DRC11: variants seen among roughly 807,000 people sequenced by gnomAD.
DRC11 encodes the protein IQ and AAA domain-containing protein 1.
the DRC11 span, among the ~76,000 whole-genome samples, chr2:236,386,955 C>T: frequency 1.4e-5 from 2 of 146,740 alleles, no homozygotes; most frequent in African/African-American, 5.0e-5. Flanking sequence ...TGTTCAGTTT[C>T]CATGTAGTTG....
At chr2:236,347,628 T>G in the DRC11 span, among the ~76,000 whole-genome samples, 2 of 151,504 alleles carry the variant, frequency 1.3e-5, no homozygotes, top group Non-Finnish European at 2.9e-5. Context: ...AACTCAGGAA[T>G]GGAAAACCAA....
the DRC11 span, among the ~76,000 whole-genome samples, chr2:236,403,294 C>G: frequency 6.6e-6 from 1 of 151,824 alleles, no homozygotes; most frequent in African/African-American, 2.4e-5. Context: ...GGCAGACAGA[C>G]ATGAGGCTGG....
the DRC11 span, among the ~76,000 whole-genome samples, chr2:236,314,004 G>C: frequency 6.6e-6 from 1 of 152,136 alleles, no homozygotes; most frequent in African/African-American, 2.4e-5. This position sits in a 1 kb window ranked among gnomAD's most constrained non-coding sequence, Gnocchi z 4.5. Context: ...TGTGCTCATG[G>C]ATACACAAAC....
the DRC11 span, among the ~76,000 whole-genome samples, chr2:236,445,133 T>A: frequency 5.9e-5 from 9 of 152,198 alleles, no homozygotes; most frequent in Non-Finnish European, 1.0e-4. The surrounding 1 kb of genome is among the most constrained non-coding windows in gnomAD (Gnocchi z 4.8). Context: ...CCTCATTGCA[T>A]AATTTTATTT....
chr2:236,374,857 A>ATTT, the DRC11 span, among the ~76,000 whole-genome samples: 4 of 125,938 alleles, frequency 3.2e-5, no homozygotes, highest in Non-Finnish European at 5.1e-5. Flanking sequence ...TGCCTGGCTA[A>ATTT]TTTTTTTTTT....
the DRC11 span, among the ~76,000 whole-genome samples, chr2:236,323,008 T>C: frequency 6.6e-6 from 1 of 152,258 alleles, no homozygotes; most frequent in African/African-American, 2.4e-5. This position sits in a 1 kb window ranked among gnomAD's most constrained non-coding sequence, Gnocchi z 6.4. Flanking sequence ...AATTACTGTT[T>C]ATTAAATGTT....
At chr2:236,334,055 C>T in the DRC11 span, among the ~76,000 whole-genome samples, 1 of 152,126 alleles carries the variant, frequency 6.6e-6, no homozygotes. The surrounding 1 kb of genome is among the most constrained non-coding windows in gnomAD (Gnocchi z 7.8). Context: ...CCATAGATCA[C>T]CATTTTTACT....
chr2:236,475,986 T>C, the DRC11 span, among the ~76,000 whole-genome samples: 3 of 152,316 alleles, frequency 2.0e-5, no homozygotes, highest in East Asian at 3.9e-4. This position sits in a 1 kb window ranked among gnomAD's most constrained non-coding sequence, Gnocchi z 4.8. Context: ...TTGTAGTATA[T>C]TTTGAAGTCA....
the DRC11 span, among the ~76,000 whole-genome samples, chr2:236,457,279 A>C: frequency 2.0e-5 from 3 of 152,198 alleles, no homozygotes; most frequent in East Asian, 5.8e-4. This position sits in a 1 kb window ranked among gnomAD's most constrained non-coding sequence, Gnocchi z 4.7. Context: ...AAAAATTCAG[A>C]TCCTCAGTCA....
At chr2:236,324,618 T>C in the DRC11 span, 10 of 915,508 alleles carry the variant, frequency 1.1e-5, no homozygotes, top group East Asian at 2.7e-4. This position sits in a 1 kb window ranked among gnomAD's most constrained non-coding sequence, Gnocchi z 5.7. Flanking sequence ...GTCCTCTCCA[T>C]CCCAGAGAGA....
the DRC11 span, among the ~76,000 whole-genome samples, chr2:236,322,404 CT>C: frequency 9.1e-6 from 1 of 109,466 alleles, no homozygotes; most frequent in Non-Finnish European, 2.1e-5. Flanking sequence ...CCGGCTAATT[CT>C]TTTTTTCTTT....
chr2:236,458,968 C>G, the DRC11 span, among the ~76,000 whole-genome samples: 1 of 151,994 alleles, frequency 6.6e-6, no homozygotes. Context: ...TTTCTTGAAC[C>G]CAGGAGTTGG....
the DRC11 span, among the ~76,000 whole-genome samples, chr2:236,480,031 T>C: frequency 6.6e-6 from 1 of 151,982 alleles, no homozygotes; most frequent in Admixed American, 6.5e-5. Context: ...GGTTTTTTTT[T>C]TTTTTTTCCT....
chr2:236,353,821 G>C, the DRC11 span, among the ~76,000 whole-genome samples: 1 of 152,020 alleles, frequency 6.6e-6, no homozygotes. The surrounding 1 kb of genome is among the most constrained non-coding windows in gnomAD (Gnocchi z 5.0). Flanking sequence ...GAGGGTGCAG[G>C]GGCGTAAGGC....
At chr2:236,364,102 G>C in the DRC11 span, 1 of 789,050 alleles carries the variant, frequency 1.3e-6, no homozygotes, top group South Asian at 1.9e-5. Context: ...TGATAAAGGC[G>C]TCCAAAGCAT....
At chr2:236,396,969 G>A in the DRC11 span, among the ~76,000 whole-genome samples, 3 of 152,170 alleles carry the variant, frequency 2.0e-5, no homozygotes, top group Non-Finnish European at 2.9e-5. Flanking sequence ...CGCGGGCAGA[G>A]GGGGACTGTC....
At chr2:236,399,562 G>A in the DRC11 span, 10 of 1,232,238 alleles carry the variant, frequency 8.1e-6, no homozygotes, top group Middle Eastern at 1.9e-4. This position sits in a 1 kb window ranked among gnomAD's most constrained non-coding sequence, Gnocchi z 7.0. Context: ...TGTGATAACC[G>A]TGACGAGGGT....
chr2:236,368,621 G>T, the DRC11 span: 1 of 205,812 alleles, frequency 4.9e-6, no homozygotes. Context: ...CTAAAAAGAA[G>T]GACACACAAA....
the DRC11 span, among the ~76,000 whole-genome samples, chr2:236,493,126 A>T: frequency 1.3e-4 from 20 of 152,274 alleles, no homozygotes; most frequent in African/African-American, 3.6e-4. Flanking sequence ...TGAAAGGCAC[A>T]TCTCATATGG....
Sources: gnomAD v4.1 joint callset for allele counts (sites outside exome capture counted in the v4.1 genomes callset) on GRCh38, gnomAD v4.1.1 for gene constraint, Gnocchi (gnomAD v3.1) non-coding constraint, MANE v1.5 for transcripts, NCBI Gene and HGNC (gene_info 2026-07-23, HGNC 2026-07-21) for gene names.